BBX: variants seen among roughly 807,000 people sequenced by gnomAD.
BBX encodes HMG box transcription factor BBX.
In BBX, 30 loss-of-function variants were observed where a neutral mutation model predicts 100.2. That is an observed-to-expected ratio of 0.30 (90% CI 0.22 to 0.41). BBX has a LOEUF of 0.41. Ranked by LOEUF, BBX falls within the 10% of genes least tolerant of loss-of-function variation. BBX has a pLI of 1.00. For missense variants in BBX, 1,023 were observed against 1,129.8 expected, an observed-to-expected ratio of 0.91 and a Z score of 1.35; for synonymous variants, 376 against 388.1, an observed-to-expected ratio of 0.97 and a Z score of 0.37.
chr3:107,790,124 G>T (rs1261582898), intron 14 of BBX, among the ~76,000 whole-genome samples: 1 of 152,006 alleles, frequency 6.6e-6, no homozygotes, highest in African/African-American at 2.4e-5. Context: ...TCCTAAAATT[G>T]CCTCTTCTCA....
intron 3 of BBX, among the ~76,000 whole-genome samples, chr3:107,660,100 G>T (rs1201028195): frequency 2.0e-5 from 3 of 151,926 alleles, no homozygotes; most frequent in African/African-American, 7.3e-5. Context: ...AAGCATTTTT[G>T]CTCTTTTATA....
At chr3:107,724,029 A>C (rs536279768) in intron 5 of BBX, among the ~76,000 whole-genome samples, 1 of 152,232 alleles carries the variant, frequency 6.6e-6, no homozygotes. Context: ...TCCCACCAAC[A>C]GTGTAAAAGT....
At chr3:107,571,255 C>T (rs1171062710) in intron 2 of BBX, among the ~76,000 whole-genome samples, 3 of 151,974 alleles carry the variant, frequency 2.0e-5, no homozygotes, top group African/African-American at 4.8e-5. Context: ...CAGGTGTCCC[C>T]GCAATTGACT....
chr3:107,541,815 C>T (rs2048887747), intron 2 of BBX, among the ~76,000 whole-genome samples: 1 of 151,172 alleles, frequency 6.6e-6, no homozygotes, highest in Non-Finnish European at 1.5e-5. Flanking sequence ...TAAGCAAATT[C>T]TATAATTTTT....
intron 3 of BBX, among the ~76,000 whole-genome samples, chr3:107,694,312 TATG>T (rs1319086440): frequency 1.1e-5 from 1 of 94,768 alleles, no homozygotes; most frequent in African/African-American, 4.4e-5. Flanking sequence ...GCCCATTCAG[TATG>T]ATATTGGCTG....
chr3:107,591,473 G>A (rs1420577217), intron 2 of BBX, among the ~76,000 whole-genome samples: 1 of 152,026 alleles, frequency 6.6e-6, no homozygotes, highest in East Asian at 1.9e-4. Flanking sequence ...AAGGAAAGGG[G>A]GAGATATTTT....
Position 107,596,119 on chromosome 3 carries a change from A to G in BBX, c.-83-49717A>G, listed in dbSNP as rs2053651620. 2.0e-5 allele frequency among the ~76,000 whole-genome samples: 3 copies of G among 152,198 alleles called. No individual in the cohort carries two copies. In the South Asian group the frequency reaches 6.2e-4, roughly 32 times the overall value. ...AAGTGGAATCACATAGTTTAAACCT[A>G]TATTGTTTAAGGGTCAACTGTATTT... is the stretch of plus-strand genomic sequence containing the variant. On this transcript the variant is annotated intron_variant, in intron 2 of 17. Coordinates refer to ENST00000325805, the MANE Select transcript of BBX (RefSeq NM_001142568.3).
chr3:107,779,207 AAG>A (rs2067621369), intron 13 of BBX, among the ~76,000 whole-genome samples: 1 of 151,550 alleles, frequency 6.6e-6, no homozygotes, highest in Admixed American at 6.6e-5. Context: ...AGGGGATTGT[AAG>A]AGGGTGGGGG....
intron 17 of BBX, among the ~76,000 whole-genome samples, chr3:107,802,489 G>A (rs185351192): frequency 6.6e-6 from 1 of 152,350 alleles, no homozygotes; most frequent in African/African-American, 2.4e-5. Context: ...TTGTGGAGTT[G>A]TGCAGTCAAG....
At chr3:107,546,162 A>T (rs1470197984) in intron 2 of BBX, among the ~76,000 whole-genome samples, 3 of 152,178 alleles carry the variant, frequency 2.0e-5, no homozygotes, top group Non-Finnish European at 4.4e-5. Context: ...AGTTTGTTTG[A>T]ATCAGCACAC....
In BBX at chr3:107,750,910, C is replaced by G. The variant is rs982410175; in HGVS notation, c.825+2871C>G. Among the ~76,000 whole-genome samples the G allele has an allele frequency of 2.0e-5, 3 of 152,308 alleles. No individual in the cohort carries two copies. The East Asian group carries it at 5.8e-4, about 29-fold the overall frequency. On this transcript the variant is annotated intron_variant, in intron 9 of 17. Coordinates refer to ENST00000325805, the MANE Select transcript of BBX (RefSeq NM_001142568.3). The stretch of plus-strand genomic sequence containing the variant: ...TTAATTAGTCAAAAGCAAAGGTTCT[C>G]AAACTTTACAATACATCACAGTCAC...
chr3:107,571,066 G>A (rs2051318888), intron 2 of BBX, among the ~76,000 whole-genome samples: 1 of 152,170 alleles, frequency 6.6e-6, no homozygotes, highest in South Asian at 2.1e-4. Context: ...TTAGGTTTTA[G>A]GTCAGGCAAG....
chr3:107,757,247 G>C (rs374409917), intron 10 of BBX, among the ~76,000 whole-genome samples: 10 of 151,956 alleles, frequency 6.6e-5, no homozygotes, highest in Admixed American at 6.6e-4. Flanking sequence ...TGCTGCATGG[G>C]GGGGCTGGTA....
chr3:107,649,544 A>C (rs575809353), intron 3 of BBX, among the ~76,000 whole-genome samples: 7 of 152,242 alleles, frequency 4.6e-5, no homozygotes, highest in African/African-American at 7.2e-5. Flanking sequence ...AGAAGCACTC[A>C]AGAAGTAGTA....
intron 11 of BBX, among the ~76,000 whole-genome samples, chr3:107,774,217 G>T (rs1390822333): frequency 1.3e-5 from 2 of 152,148 alleles, no homozygotes; most frequent in South Asian, 2.1e-4. Context: ...ATTCCATTGA[G>T]TGTTTTATAT....
chr3:107,616,677 C>T (rs2055313097), intron 2 of BBX, among the ~76,000 whole-genome samples: 1 of 151,954 alleles, frequency 6.6e-6, no homozygotes, highest in African/African-American at 2.4e-5. Context: ...TCTTTTCATG[C>T]ATTTATTTGC....
At chr3:107,797,558 G>A (rs1203742482) in intron 15 of BBX, among the ~76,000 whole-genome samples, 1 of 151,670 alleles carries the variant, frequency 6.6e-6, no homozygotes, top group Admixed American at 6.6e-5. Flanking sequence ...AAGCCCTTGG[G>A]TCACTGGAAT....
intron 3 of BBX, chr3:107,674,920 A>G (rs2059205798): frequency 6.6e-6 from 1 of 151,522 alleles, no homozygotes; most frequent in South Asian, 2.1e-4. Context: ...GGGGCCAGCC[A>G]TCTCCAGACA....
Position 107,789,768 on chromosome 3 carries a change from A to G in BBX, c.2204-19A>G. ...AACATTGTGAATTTAAAATATATTT[A>G]TATTAATATTGTCTGTAGGTCCTTT... On this transcript the variant is annotated intron_variant, in intron 13 of 17. Transcript: ENST00000325805. The G allele has an allele frequency of 7.2e-7, 1 of 1,398,406 alleles. No homozygotes were observed. The highest frequency in any genetic ancestry group is 9.7e-7 in the Non-Finnish European group (1 of 1,031,490). 86.6% of individuals were successfully genotyped at this position (1,398,406 alleles called of 1,614,324 possible).
Sources: allele counts gnomAD v4.1 joint callset (sites outside exome capture counted in the v4.1 genomes callset), GRCh38; gene constraint gnomAD v4.1.1; transcripts MANE v1.5; gene names NCBI Gene and HGNC (gene_info 2026-07-23, HGNC 2026-07-21).